TEAD1: variants seen among roughly 807,000 people sequenced by gnomAD.
The protein encoded by TEAD1 is transcriptional enhancer factor TEF-1.
TEAD1 carries 9 observed loss-of-function variants against 54.9 expected under a neutral mutation model. The ratio of observed to expected loss-of-function variants is 0.16; its 90% CI spans 0.10 to 0.29. TEAD1 has a LOEUF of 0.29. Ranked by LOEUF, TEAD1 falls within the 10% of genes least tolerant of loss-of-function variation. The pLI is 1.00. For synonymous variants in TEAD1, 200 were observed against 187.8 expected (o/e 1.07, Z -0.53); for missense variants, 387 against 535.9 (o/e 0.72, Z 2.74).
intron 2 of TEAD1, among the ~76,000 whole-genome samples, chr11:12,754,224 G>A (rs555397813): frequency 6.6e-6 from 1 of 152,160 alleles, no homozygotes; most frequent in Non-Finnish European, 1.5e-5. Flanking sequence ...ATTCAAACAG[G>A]TTCATTTTAT....
At chr11:12,860,254 A>T (rs1947470979) in intron 3 of TEAD1, among the ~76,000 whole-genome samples, 1 of 152,170 alleles carries the variant, frequency 6.6e-6, no homozygotes, top group Admixed American at 6.5e-5. Context: ...CCCCAAAAGG[A>T]GGGTCTTCTT....
intron 3 of TEAD1, among the ~76,000 whole-genome samples, chr11:12,822,151 GAC>G (rs577169699): frequency 6.6e-6 from 1 of 151,746 alleles, no homozygotes; most frequent in South Asian, 2.1e-4. Flanking sequence ...TTTTAGTAGA[GAC>G]AGGGTTTCAC....
At chr11:12,752,530 A>G (rs1311845680) in intron 2 of TEAD1, among the ~76,000 whole-genome samples, 2 of 152,116 alleles carry the variant, frequency 1.3e-5, no homozygotes, top group Non-Finnish European at 2.9e-5. Context: ...AGTATAGTAT[A>G]TATTTCTTTG....
intron 10 of TEAD1, among the ~76,000 whole-genome samples, chr11:12,920,580 C>T (rs899565296): frequency 6.6e-6 from 1 of 152,150 alleles, no homozygotes; most frequent in Non-Finnish European, 1.5e-5. Context: ...TTAAGCGAGC[C>T]TCCTGCCTCA....
chr11:12,896,602 A>G (rs1948319553), intron 9 of TEAD1, among the ~76,000 whole-genome samples: 1 of 152,222 alleles, frequency 6.6e-6, no homozygotes, highest in Admixed American at 6.5e-5. Context: ...AATGAACAAT[A>G]TGTTTAATGC....
intron 2 of TEAD1, among the ~76,000 whole-genome samples, chr11:12,722,021 T>C (rs1944212716): frequency 6.6e-6 from 1 of 152,246 alleles, no homozygotes; most frequent in Non-Finnish European, 1.5e-5. Flanking sequence ...TCTGGGTTGG[T>C]GCCAGTTGTC....
At chr11:12,779,717 A>T (rs1036427310) in intron 3 of TEAD1, among the ~76,000 whole-genome samples, 1 of 152,248 alleles carries the variant, frequency 6.6e-6, no homozygotes, top group Non-Finnish European at 1.5e-5. Flanking sequence ...ACATATAAAA[A>T]GGTTAATATA....
rs745585390 is a variant in TEAD1, at chr11:12,764,253, C to T, written c.21C>T (p.Ser7=). 56 of 1,613,858 alleles carry T rather than the reference C, an allele frequency of 3.5e-5. No homozygotes were observed. Among genetic ancestry groups the T allele is most frequent in the Non-Finnish European group, 4.4e-5 (52 of 1,179,980 alleles). The change falls in exon 3 of 13, where the codon AGC becomes AGT. Residue 7 remains serine (S), a synonymous_variant. Coordinates refer to ENST00000527636, the MANE Select transcript of TEAD1 (RefSeq NM_021961.6). ...CCAAAATTGAGCCCAGCAGCTGGAGCGGCAGTGAGAGCCCTGCCGAAAACA... is the reference window on the plus strand; with the variant it reads ...CCAAAATTGAGCCCAGCAGCTGGAGTGGCAGTGAGAGCCCTGCCGAAAACA...
At chr11:12,816,626 G>C (rs1946422482) in intron 3 of TEAD1, among the ~76,000 whole-genome samples, 1 of 152,200 alleles carries the variant, frequency 6.6e-6, no homozygotes, top group Non-Finnish European at 1.5e-5. Context: ...CAGTGGGCCA[G>C]TGCAAGGAGG....
chr11:12,873,710 A>G (rs939537427), intron 5 of TEAD1, among the ~76,000 whole-genome samples: 5 of 152,206 alleles, frequency 3.3e-5, no homozygotes, highest in Non-Finnish European at 5.9e-5. Context: ...GATCATAGCT[A>G]GAAAAAAAAT....
chr11:12,788,349 C>T (rs1032280185), intron 3 of TEAD1, among the ~76,000 whole-genome samples: 3 of 152,058 alleles, frequency 2.0e-5, no homozygotes, highest in African/African-American at 7.2e-5. Flanking sequence ...CCAGGCTGGT[C>T]TTGAACTCCT....
chr11:12,926,351 G>A (rs991460657), intron 11 of TEAD1, among the ~76,000 whole-genome samples: 2 of 152,194 alleles, frequency 1.3e-5, no homozygotes, highest in Admixed American at 1.3e-4. Flanking sequence ...ATCCAGGGGA[G>A]TTGACTCAGA....
At chr11:12,759,877 T>A (rs1436160414) in intron 2 of TEAD1, among the ~76,000 whole-genome samples, 2 of 152,122 alleles carry the variant, frequency 1.3e-5, no homozygotes, top group East Asian at 3.9e-4. Flanking sequence ...CAAAAAAAAT[T>A]ATCTCCAACA....
At chr11:12,829,595 T>C (rs891829963) in intron 3 of TEAD1, among the ~76,000 whole-genome samples, 3 of 152,108 alleles carry the variant, frequency 2.0e-5, no homozygotes, top group Non-Finnish European at 4.4e-5. Context: ...ATCCTCTGGC[T>C]AAACATTTTT....
chr11:12,698,652 G>A (rs922983286), intron 2 of TEAD1, among the ~76,000 whole-genome samples: 7 of 151,990 alleles, frequency 4.6e-5, no homozygotes, highest in Non-Finnish European at 8.8e-5. Flanking sequence ...TTCTAGCCCC[G>A]TGTCTCTTTA....
At chr11:12,770,279 G>A (rs749857006) in intron 3 of TEAD1, among the ~76,000 whole-genome samples, 19 of 152,188 alleles carry the variant, frequency 1.2e-4, no homozygotes, top group Non-Finnish European at 2.4e-4. Flanking sequence ...GAGCTCATGT[G>A]CAATCCGGGT....
At chr11:12,917,025 A>G (rs931306353) in intron 10 of TEAD1, among the ~76,000 whole-genome samples, 1 of 152,182 alleles carries the variant, frequency 6.6e-6, no homozygotes, top group Non-Finnish European at 1.5e-5. Context: ...ATCCCCAGAC[A>G]TGCCTCCTCT....
chr11:12,933,165 C>T lies in TEAD1; in HGVS notation c.1167+2839C>T, dbSNP rs139149918. On this transcript the variant is annotated intron_variant, in intron 12 of 12. Transcript: ENST00000527636. ...TGTTAAGCAACTCATCACTGTATATCATTAATGCTGCCTTGCAAAATATGA... is the reference window on the plus strand; with the variant it reads ...TGTTAAGCAACTCATCACTGTATATTATTAATGCTGCCTTGCAAAATATGA... Among the ~76,000 whole-genome samples the T allele has an allele frequency of 3.1e-3, 477 of 152,302 alleles. 1 individual carries two copies. Among genetic ancestry groups the T allele is most frequent in the Non-Finnish European group, 5.7e-3 (385 of 68,010 alleles).
At chr11:12,888,627 G>A (rs1373819100) in intron 9 of TEAD1, among the ~76,000 whole-genome samples, 2 of 152,110 alleles carry the variant, frequency 1.3e-5, no homozygotes, top group Non-Finnish European at 2.9e-5. Flanking sequence ...TTACTCGTTG[G>A]CTCACCACAT....
Sources: gnomAD v4.1 joint callset for allele counts (sites outside exome capture counted in the v4.1 genomes callset) on GRCh38, gnomAD v4.1.1 for gene constraint, MANE v1.5 for transcripts, NCBI Gene and HGNC (gene_info 2026-07-23, HGNC 2026-07-21) for gene names.